Variants in ACYP2 observed in about 807,000 individuals in gnomAD.
The protein encoded by ACYP2 is acylphosphatase 2.
ACYP2 carries 12 observed loss-of-function variants against 11.2 expected under a neutral mutation model. The ratio of observed to expected loss-of-function variants is 1.08; its 90% confidence interval spans 0.69 to 1.74. The LOEUF is 1.74. ACYP2 is among the 40% of genes most tolerant of loss of function. The pLI is 0.00. For synonymous variants in ACYP2, 43 were observed against 32.2 expected, an observed-to-expected ratio of 1.33 and a Z score of -1.13; for missense variants, 134 against 101.9, an observed-to-expected ratio of 1.31 and a Z score of -1.35.
intron 6 of ACYP2, among the ~76,000 whole-genome samples, chr2:54,240,880 A>C (rs776173190): frequency 2.0e-5 from 3 of 152,196 alleles, no homozygotes; most frequent in Non-Finnish European, 4.4e-5. Context: ...CATAATCCAG[A>C]TCTTGTACTT....
At chr2:54,082,148 G>C (rs906250491) in intron 4 of ACYP2, among the ~76,000 whole-genome samples, 1 of 152,062 alleles carries the variant, frequency 6.6e-6, no homozygotes, top group Non-Finnish European at 1.5e-5. Context: ...CAATATTAAG[G>C]ATCTCTAATG....
rs141116949 is a variant in ACYP2, at chr2:53,997,333, T to G, written c.62+23523T>G. ...ATTATTATTGTTTTTTGAGACAGAG[T>G]TTTGTTCTGCTGCCCAGGCTGGAGT... On this transcript the variant is annotated intron_variant, in intron 2 of 6. Transcript: ENST00000607452. 1.3e-3 allele frequency among the ~76,000 whole-genome samples: 202 copies of G among 152,162 alleles called. No individual in the cohort carries two copies. The Middle Eastern group carries it at 0.014, about 10-fold the overall frequency.
chr2:54,096,577 TC>T (rs986797275), intron 4 of ACYP2, among the ~76,000 whole-genome samples: 40 of 152,140 alleles, frequency 2.6e-4, no homozygotes, highest in African/African-American at 9.2e-4. Flanking sequence ...CCATCTGCAA[TC>T]CCGGCACCTC....
chr2:54,194,440 A>G (rs17045585), intron 6 of ACYP2, among the ~76,000 whole-genome samples: 33,496 of 152,032 alleles, frequency 0.22, 4,014 homozygotes, highest in East Asian at 0.38. Context: ...TTAACTGCAT[A>G]CTTTTATTGA....
At chr2:54,156,254 T>A (rs1558575106) in intron 6 of ACYP2, among the ~76,000 whole-genome samples, 1 of 152,160 alleles carries the variant, frequency 6.6e-6, no homozygotes, top group Non-Finnish European at 1.5e-5. Context: ...AACTTTAGCA[T>A]GAAATATATA....
intron 2 of ACYP2, among the ~76,000 whole-genome samples, chr2:54,021,047 G>A (rs1174174690): frequency 3.3e-5 from 5 of 152,156 alleles, no homozygotes; most frequent in Admixed American, 2.6e-4. Context: ...GAGGGGAAGG[G>A]GTTTTATTCC....
At position 54,201,983 on chromosome 2, in the gene ACYP2, C is replaced by T. The variant is rs148877768; in HGVS notation, c.404+63235C>T. Reference sequence around the variant, plus strand: ...TCGACCTCCCAAAGTGCTGGGATTACAGGCATGAGCCACTGTGCCTGGCCC... The same window carrying T: ...TCGACCTCCCAAAGTGCTGGGATTATAGGCATGAGCCACTGTGCCTGGCCC... On this transcript the variant is annotated intron_variant, in intron 6 of 6. Transcript: ENST00000607452. Among the ~76,000 whole-genome samples the T allele has an allele frequency of 4.7e-3, 719 of 152,170 alleles. 10 individuals are homozygous for T. The highest frequency in any genetic ancestry group is 0.016 in the African/African-American group (683 of 41,502).
chr2:54,170,341 C>T (rs1012856504), intron 6 of ACYP2, among the ~76,000 whole-genome samples: 6 of 151,860 alleles, frequency 4.0e-5, no homozygotes, highest in Admixed American at 6.6e-5. Flanking sequence ...TTAGTAGAGA[C>T]GGGGTTTCAC....
At chr2:54,286,200 C>A (rs1417645394) in intron 6 of ACYP2, among the ~76,000 whole-genome samples, 2 of 151,976 alleles carry the variant, frequency 1.3e-5, no homozygotes, top group African/African-American at 4.9e-5. Context: ...CAAGACCAAC[C>A]CTATAGCTGG....
At chr2:54,018,457 T>C (rs1673814631) in intron 2 of ACYP2, among the ~76,000 whole-genome samples, 1 of 152,054 alleles carries the variant, frequency 6.6e-6, no homozygotes, top group Non-Finnish European at 1.5e-5. Flanking sequence ...GTGAACATTG[T>C]AGTAATTAAT....
At position 54,106,416 on chromosome 2, in the gene ACYP2, A is replaced by G. The variant is rs537494361; in HGVS notation, c.278-29037A>G. On this transcript the variant is annotated intron_variant, in intron 4 of 6. Coordinates refer to ENST00000607452, the MANE Select transcript of ACYP2 (RefSeq NM_001320586.2). ...AAAAGTAAATAATTCTAGGTGAAATATTTTTATACTGCAAAAAGCTTCCTA... is the reference window on the plus strand; with the variant it reads ...AAAAGTAAATAATTCTAGGTGAAATGTTTTTATACTGCAAAAAGCTTCCTA... Among the ~76,000 whole-genome samples the G allele has an allele frequency of 1.7e-3, 259 of 152,138 alleles. 1 individual carries two copies. Among genetic ancestry groups the G allele is most frequent in the Non-Finnish European group, 3.1e-3 (210 of 68,020 alleles).
At chr2:54,265,647 A>G (rs185628453) in intron 6 of ACYP2, among the ~76,000 whole-genome samples, 2 of 152,348 alleles carry the variant, frequency 1.3e-5, no homozygotes, top group East Asian at 3.9e-4. Context: ...TCACAGATAA[A>G]TATCTACATA....
chr2:54,038,807 A>AG, intron 2 of ACYP2, among the ~76,000 whole-genome samples: 2 of 149,976 alleles, frequency 1.3e-5, no homozygotes, highest in East Asian at 1.9e-4. Context: ...AGGTAAAAAA[A>AG]AAAAAAAAAA....
At chr2:53,987,164 G>A (rs774014028) in intron 2 of ACYP2, among the ~76,000 whole-genome samples, 8 of 152,164 alleles carry the variant, frequency 5.3e-5, no homozygotes, top group Non-Finnish European at 1.2e-4. Flanking sequence ...TCACAAAGTG[G>A]TCACACCTGA....
At chr2:54,021,348 C>T (rs1003958084) in intron 2 of ACYP2, among the ~76,000 whole-genome samples, 3 of 152,002 alleles carry the variant, frequency 2.0e-5, no homozygotes, top group Non-Finnish European at 2.9e-5. Context: ...GCAAGGAGAA[C>T]GAGGAAGTTA....
At chr2:54,058,409 A>G (rs1676274467) in intron 4 of ACYP2, among the ~76,000 whole-genome samples, 1 of 151,860 alleles carries the variant, frequency 6.6e-6, no homozygotes, top group African/African-American at 2.4e-5. Context: ...GCCTATCATT[A>G]TACACCTATG....
intron 6 of ACYP2, among the ~76,000 whole-genome samples, chr2:54,235,394 G>C (rs1429123006): frequency 3.3e-5 from 5 of 152,074 alleles, no homozygotes; most frequent in Non-Finnish European, 5.9e-5. Flanking sequence ...TGTCACCCAG[G>C]CTGGAGTCCA....
At chr2:54,102,456 C>T (rs1433948567) in intron 4 of ACYP2, among the ~76,000 whole-genome samples, 1 of 151,972 alleles carries the variant, frequency 6.6e-6, no homozygotes, top group Non-Finnish European at 1.5e-5. Flanking sequence ...CCTCATTCCT[C>T]TTCTATTGCA....
intron 4 of ACYP2, among the ~76,000 whole-genome samples, chr2:54,091,351 A>T (rs1558521572): frequency 6.6e-6 from 1 of 152,188 alleles, no homozygotes; most frequent in Non-Finnish European, 1.5e-5. Flanking sequence ...AAAAGATGAG[A>T]AAAAATGTTG....
Sources: gnomAD v4.1 joint callset for allele counts (sites outside exome capture counted in the v4.1 genomes callset) on GRCh38, gnomAD v4.1.1 for gene constraint, MANE v1.5 for transcripts, NCBI Gene and HGNC (gene_info 2026-07-23, HGNC 2026-07-21) for gene names.